ROBO2: variants seen among roughly 807,000 people sequenced by gnomAD.
ROBO2 encodes roundabout homolog 2.
Under a neutral mutation model 160.8 loss-of-function variants are expected in ROBO2, and 53 were observed. The observed-to-expected ratio is 0.33, with a 90% CI of 0.26 to 0.41. The LOEUF (loss-of-function observed/expected upper bound fraction) is 0.41, where lower values mean the gene tolerates loss of function less well. Ranked by LOEUF, ROBO2 falls within the 10% of genes least tolerant of loss-of-function variation. The probability of loss-of-function intolerance (pLI) is 1.00; values close to 1 mark genes in which losing one functional copy is unlikely to be tolerated. For missense variants in ROBO2, 1,577 were observed against 1,722.4 expected, an observed-to-expected ratio of 0.92 and a Z score of 1.49; for synonymous variants, 664 against 611.7, an observed-to-expected ratio of 1.09 and a Z score of -1.26.
intron 2 of ROBO2, among the ~76,000 whole-genome samples, chr3:76,739,034 C>A (rs949267388): frequency 3.3e-5 from 5 of 152,200 alleles, no homozygotes; most frequent in African/African-American, 9.6e-5. Flanking sequence ...TATAACAGAG[C>A]ATACAGAAAT....
At position 77,590,198 on chromosome 3, in the gene ROBO2, G is replaced by A. The variant is rs564550528; in HGVS notation, c.2683+1265G>A. Among the ~76,000 whole-genome samples the A allele has an allele frequency of 1.9e-4, 29 of 152,218 alleles. No homozygotes were observed. The South Asian group carries it at 2.7e-3, about 14-fold the overall frequency. ...AGTTACTTGTTAGAAGACATTTCCA[G>A]GACTAGAGAAAGTACTACAGCATAT... On this transcript the variant is annotated intron_variant, in intron 17 of 25. Transcript: ENST00000461745.
intron 2 of ROBO2, among the ~76,000 whole-genome samples, chr3:77,237,409 TTTTGTGTGTG>T (rs1053793943): frequency 2.5e-5 from 1 of 39,794 alleles, no homozygotes; most frequent in African/African-American, 6.4e-5. Context: ...TTTTGTTTTG[TTTTGTGTGTG>T]TGTGTGTGTG....
chr3:77,558,162 G>A lies in ROBO2; in HGVS notation c.1437+13G>A. 6.2e-7 allele frequency: 1 copy of A among 1,605,072 alleles called. No individual in the cohort carries two copies. On this transcript the variant is annotated intron_variant, in intron 9 of 25. Transcript: ENST00000461745. ...TAAGAATTTACGGGTAAGTAATATT[G>A]GACTTGTACATGAATTATCATCTAC...
At chr3:76,396,170 A>G (rs2077436033) in intron 2 of ROBO2, among the ~76,000 whole-genome samples, 1 of 152,164 alleles carries the variant, frequency 6.6e-6, no homozygotes, top group Admixed American at 6.5e-5. Context: ...GGTTCAATAT[A>G]TGCAAATCAA....
In ROBO2 at chr3:77,622,449, A is replaced by G; in HGVS notation, c.3760+17A>G. ...CTGTGACAGGTAACGGAACCAATTTAATAGGAAAAACTGACCTATTGGTAA... is the reference window on the plus strand; with the variant it reads ...CTGTGACAGGTAACGGAACCAATTTGATAGGAAAAACTGACCTATTGGTAA... On this transcript the variant is annotated intron_variant, in intron 23 of 25. Transcript: ENST00000461745. 1 of 1,612,508 alleles carries G rather than the reference A, an allele frequency of 6.2e-7. No homozygotes were observed. The highest frequency in any genetic ancestry group is 8.5e-7 in the Non-Finnish European group (1 of 1,178,744).
chr3:77,265,179 TATCACATTATCCCC>T (rs1279504639), intron 2 of ROBO2, among the ~76,000 whole-genome samples: 2 of 152,282 alleles, frequency 1.3e-5, no homozygotes, highest in East Asian at 3.9e-4. Context: ...GAAGGGCAGG[TATCACATTATCCCC>T]ATTTTCCAAT....
chr3:76,246,031 T>A (rs895039219), intron 2 of ROBO2, among the ~76,000 whole-genome samples: 10 of 152,150 alleles, frequency 6.6e-5, no homozygotes, highest in African/African-American at 2.4e-4. Context: ...TTTCCATGTG[T>A]GTTATGTATT....
Position 77,040,866 on chromosome 3 carries a change from A to G in ROBO2, c.61+20A>G. On this transcript the variant is annotated intron_variant, in intron 1 of 25. Coordinates refer to ENST00000461745, the Ensembl canonical transcript of ROBO2. ...TTGATGGTAAGTTAAAAATGCTTTC[A>G]TCTTTTTTTGCGCCCCCCACCCCCC... is the stretch of plus-strand genomic sequence containing the variant. 6.2e-7 allele frequency: 1 copy of G among 1,613,856 alleles called. No individual in the cohort carries two copies.
intron 2 of ROBO2, among the ~76,000 whole-genome samples, chr3:77,258,697 CTCT>C (rs1315681166): frequency 6.6e-6 from 1 of 151,836 alleles, no homozygotes; most frequent in Non-Finnish European, 1.5e-5. Flanking sequence ...TTTGCTGATC[CTCT>C]TCTTTTAAAT....
At chr3:76,131,783 T>C (rs886431252) in intron 2 of ROBO2, among the ~76,000 whole-genome samples, 2 of 152,258 alleles carry the variant, frequency 1.3e-5, no homozygotes, top group East Asian at 1.9e-4. Context: ...CTGAGCATGA[T>C]TGGAGTAAGA....
chr3:76,547,194 C>A (rs1422442978), intron 2 of ROBO2, among the ~76,000 whole-genome samples: 1 of 151,928 alleles, frequency 6.6e-6, no homozygotes, highest in African/African-American at 2.4e-5. Context: ...TTTTTAATAG[C>A]AAATTCTATA....
chr3:77,391,376 G>A (rs555385673), intron 2 of ROBO2, among the ~76,000 whole-genome samples: 6 of 151,572 alleles, frequency 4.0e-5, no homozygotes, highest in Admixed American at 2.0e-4. Context: ...ACACAATCAC[G>A]GCTCACTGCA....
At chr3:76,741,303 T>TG (rs1369310165) in intron 2 of ROBO2, among the ~76,000 whole-genome samples, 1 of 152,110 alleles carries the variant, frequency 6.6e-6, no homozygotes, top group Non-Finnish European at 1.5e-5. Flanking sequence ...ACTTGATGGT[T>TG]AACTAATTAA....
intron 6 of ROBO2, among the ~76,000 whole-genome samples, chr3:77,526,641 A>G (rs2091190389): frequency 6.6e-6 from 1 of 151,572 alleles, no homozygotes; most frequent in African/African-American, 2.4e-5. Context: ...ATTTGCATTA[A>G]TAACAGGGGC....
chr3:76,446,641 T>C (rs1239579933), intron 2 of ROBO2, among the ~76,000 whole-genome samples: 1 of 152,146 alleles, frequency 6.6e-6, no homozygotes, highest in African/African-American at 2.4e-5. Flanking sequence ...CTTCAAACTA[T>C]ACTACAAGGC....
chr3:76,032,296 CA>C (rs200947810), intron 2 of ROBO2, among the ~76,000 whole-genome samples: 2 of 151,822 alleles, frequency 1.3e-5, no homozygotes, highest in Non-Finnish European at 2.9e-5. Context: ...GTTGATCTTT[CA>C]AAAAAACCAG....
At chr3:76,975,625 T>A (rs2059780707) in intron 2 of ROBO2, among the ~76,000 whole-genome samples, 1 of 152,208 alleles carries the variant, frequency 6.6e-6, no homozygotes, top group Non-Finnish European at 1.5e-5. Context: ...CCCGAAGCTT[T>A]CTTTTCCTAA....
chr3:76,547,699 T>C (rs1471240650), intron 2 of ROBO2, among the ~76,000 whole-genome samples: 2 of 152,124 alleles, frequency 1.3e-5, no homozygotes, highest in Non-Finnish European at 2.9e-5. Flanking sequence ...ACTGACGCTA[T>C]GGTTTAACCA....
chr3:77,046,306 T>C (rs2064663628), intron 1 of ROBO2, among the ~76,000 whole-genome samples: 1 of 152,180 alleles, frequency 6.6e-6, no homozygotes, highest in Non-Finnish European at 1.5e-5. Flanking sequence ...AGTGAAACAA[T>C]TTTATATTAT....
Sources: allele counts gnomAD v4.1 joint callset (sites outside exome capture counted in the v4.1 genomes callset), GRCh38; gene constraint gnomAD v4.1.1; transcripts MANE v1.5; gene names NCBI Gene and HGNC (gene_info 2026-07-23, HGNC 2026-07-21).